The following CDH18 variants were observed in gnomAD, a reference collection of about 807,000 sequenced individuals.
CDH18 encodes the protein cadherin 18, also known as cadherin-18.
CDH18 carries 31 observed loss-of-function variants against 67.9 expected under a neutral mutation model. The ratio of observed to expected loss-of-function variants is 0.46; its 90% CI spans 0.34 to 0.62. The LOEUF is 0.62. CDH18 is among the 20% of genes least tolerant of loss of function. CDH18 has a pLI of 0.01. For synonymous variants in CDH18, 362 were observed against 347.2 expected, an observed-to-expected ratio of 1.04 and a Z score of -0.48; for missense variants, 890 against 975.5, an observed-to-expected ratio of 0.91 and a Z score of 1.17.
At chr5:19,975,402 A>G (rs2150347354) in intron 2 of CDH18, among the ~76,000 whole-genome samples, 1 of 152,244 alleles carries the variant, frequency 6.6e-6, no homozygotes, top group East Asian at 1.9e-4. Context: ...GTGCTAGATG[A>G]AAAATAAGTA....
chr5:20,479,728 GA>G (rs1159408216), intron 1 of CDH18, among the ~76,000 whole-genome samples: 34 of 152,106 alleles, frequency 2.2e-4, no homozygotes, highest in Non-Finnish European at 4.3e-4. Flanking sequence ...AGTTTATTCA[GA>G]GGAATAGTAA....
intron 2 of CDH18, among the ~76,000 whole-genome samples, chr5:19,906,562 T>G (rs1413783015): frequency 2.6e-5 from 4 of 151,958 alleles, no homozygotes; most frequent in Non-Finnish European, 4.4e-5. Flanking sequence ...CTTCTTGGCT[T>G]CTTCTTATCG....
chr5:20,410,890 A>C (rs1746717086), intron 1 of CDH18, among the ~76,000 whole-genome samples: 1 of 151,904 alleles, frequency 6.6e-6, no homozygotes, highest in African/African-American at 2.4e-5. Flanking sequence ...GAATAAAGTT[A>C]ACTAAAGAGG....
intron 2 of CDH18, among the ~76,000 whole-genome samples, chr5:19,873,101 T>C (rs1418864230): frequency 6.6e-6 from 1 of 151,994 alleles, no homozygotes; most frequent in Non-Finnish European, 1.5e-5. Context: ...ATGTTATGGC[T>C]AGTTTTGTCA....
At chr5:20,091,281 A>C (rs2150560327) in intron 2 of CDH18, among the ~76,000 whole-genome samples, 1 of 152,062 alleles carries the variant, frequency 6.6e-6, no homozygotes, top group East Asian at 1.9e-4. Flanking sequence ...GGCCAGGAGT[A>C]CCAGACCTGC....
intron 1 of CDH18, among the ~76,000 whole-genome samples, chr5:20,289,205 CTTT>C (rs1746921330): frequency 6.6e-6 from 1 of 151,966 alleles, no homozygotes; most frequent in Non-Finnish European, 1.5e-5. Flanking sequence ...CTCACTTCTT[CTTT>C]AAAATATATA....
chr5:20,073,774 C>T (rs931876918), intron 2 of CDH18, among the ~76,000 whole-genome samples: 3 of 151,678 alleles, frequency 2.0e-5, no homozygotes, highest in African/African-American at 4.8e-5. Flanking sequence ...AAAAAGATGA[C>T]TAAAAAGGAA....
intron 2 of CDH18, among the ~76,000 whole-genome samples, chr5:19,958,740 G>A (rs532027201): frequency 6.6e-6 from 1 of 152,138 alleles, no homozygotes; most frequent in South Asian, 2.1e-4. Context: ...GAACCAGTTT[G>A]TGTAACTTTG....
chr5:20,366,118 CTGAT>C (rs758797257), intron 1 of CDH18, among the ~76,000 whole-genome samples: 63 of 152,148 alleles, frequency 4.1e-4, no homozygotes, highest in Non-Finnish European at 7.2e-4. Context: ...ACACAATAAC[CTGAT>C]TGATTATGTA....
At chr5:19,674,774 A>T (rs940454779) in intron 5 of CDH18, among the ~76,000 whole-genome samples, 1 of 152,162 alleles carries the variant, frequency 6.6e-6, no homozygotes, top group African/African-American at 2.4e-5. Flanking sequence ...AAAAACTTAA[A>T]TTTGGAAGGA....
chr5:20,403,325 G>T lies in CDH18; in HGVS notation c.-579-147820C>A, dbSNP rs183205795. Among the ~76,000 whole-genome samples, 4 of 152,080 alleles carry T rather than the reference G, an allele frequency of 2.6e-5. No individual in the cohort carries two copies. The East Asian group carries it at 7.7e-4, about 29-fold the overall frequency. On this transcript the variant is annotated intron_variant, in intron 1 of 14. Coordinates refer to the CDH18 transcript ENST00000507958. ...GTTCAGAGTGTGCATGTGCAGGTTT[G>T]TTACTTATGTAAAGTGTGTGTCACT...
intron 1 of CDH18, among the ~76,000 whole-genome samples, chr5:20,569,514 G>C (rs1454256521): frequency 6.6e-6 from 1 of 152,112 alleles, no homozygotes; most frequent in Non-Finnish European, 1.5e-5. Flanking sequence ...GGGAGGCTGA[G>C]GCAGGAGAAT....
At chr5:19,576,275 T>C (rs141991612) in intron 7 of CDH18, among the ~76,000 whole-genome samples, 162 of 152,106 alleles carry the variant, frequency 1.1e-3, no homozygotes, top group African/African-American at 3.8e-3. Flanking sequence ...AGCTTCTTCA[T>C]AGCAAAGAAA....
intron 2 of CDH18, among the ~76,000 whole-genome samples, chr5:20,163,414 CTT>C (rs1736047868): frequency 6.6e-6 from 1 of 152,166 alleles, no homozygotes; most frequent in African/African-American, 2.4e-5. Context: ...TCTTCAGTCT[CTT>C]TTAATCTAAA....
intron 9 of CDH18, among the ~76,000 whole-genome samples, chr5:19,536,766 G>A (rs1334176079): frequency 6.6e-6 from 1 of 152,128 alleles, no homozygotes; most frequent in Non-Finnish European, 1.5e-5. Flanking sequence ...CACTAGATCT[G>A]GGCCAAGGCC....
chr5:20,284,360 C>T (rs764520485), intron 1 of CDH18, among the ~76,000 whole-genome samples: 29 of 151,740 alleles, frequency 1.9e-4, no homozygotes, highest in Admixed American at 3.3e-4. Context: ...CATAAATATA[C>T]GCACTTACTA....
chr5:20,472,490 A>T lies in CDH18; in HGVS notation c.-580+102972T>A, dbSNP rs542224696. Among the ~76,000 whole-genome samples, 8 of 152,298 alleles carry T rather than the reference A, an allele frequency of 5.3e-5. No individual in the cohort carries two copies. In the South Asian group the frequency reaches 1.4e-3, roughly 28 times the overall value. ...AAGTTCGCATGTGTGAAACAAAGGG[A>T]ATGTGGGAACTCCCTGTACTTTCCA... On this transcript the variant is annotated intron_variant, in intron 1 of 14. Transcript: ENST00000507958.
At chr5:20,134,915 G>A (rs911515669) in intron 2 of CDH18, among the ~76,000 whole-genome samples, 15 of 152,176 alleles carry the variant, frequency 9.9e-5, no homozygotes, top group African/African-American at 2.9e-4. Context: ...CTCTTAGTGC[G>A]TCTCATCTTG....
intron 2 of CDH18, among the ~76,000 whole-genome samples, chr5:20,099,064 A>AGT (rs1746233484): frequency 6.6e-6 from 1 of 152,222 alleles, no homozygotes; most frequent in Admixed American, 6.5e-5. Context: ...AAATATTTAG[A>AGT]GTGAAACATA....
Sources: gnomAD v4.1 joint callset for allele counts (sites outside exome capture counted in the v4.1 genomes callset) on GRCh38, gnomAD v4.1.1 for gene constraint, MANE v1.5 for transcripts, NCBI Gene and HGNC (gene_info 2026-07-23, HGNC 2026-07-21) for gene names.